The following IGSF23 variants were observed in gnomAD, a reference collection of about 807,000 sequenced individuals.
IGSF23 encodes the protein immunoglobulin superfamily, member 23.
IGSF23 carries 14 observed loss-of-function variants against 17.8 expected under a neutral mutation model. The observed-to-expected ratio is 0.79, with a 90% CI of 0.52 to 1.23. The LOEUF (loss-of-function observed/expected upper bound fraction) is 1.23, where lower values mean the gene tolerates loss of function less well. Among genes scored for constraint, IGSF23 ranks in the 50% most tolerant of loss-of-function variants. The probability of loss-of-function intolerance (pLI) is 0.00; values close to 1 mark genes in which losing one functional copy is unlikely to be tolerated. For synonymous variants in IGSF23, 85 were observed against 92.5 expected (o/e 0.92, Z 0.46); for missense variants, 214 against 241.7 (o/e 0.89, Z 0.76).
chr19:44,630,444 C>T (rs1248683401), intron 3 of IGSF23, among the ~76,000 whole-genome samples: 2 of 152,216 alleles, frequency 1.3e-5, no homozygotes. Flanking sequence ...GGACACACAG[C>T]GAATGAATGG....
intron 1 of IGSF23, among the ~76,000 whole-genome samples, chr19:44,620,341 TTGTGTGTGTG>T (rs373422531): frequency 0.014 from 1,944 of 139,384 alleles, 14 homozygotes; most frequent in African/African-American, 0.022. Flanking sequence ...ATGACTAATT[TTGTGTGTGTG>T]TGTGTGTGTG....
At chr19:44,633,709 C>G (rs2123729128) in intron 3 of IGSF23, among the ~76,000 whole-genome samples, 1 of 152,294 alleles carries the variant, frequency 6.6e-6, no homozygotes, top group Non-Finnish European at 1.5e-5. Flanking sequence ...CCTGTATCTG[C>G]CAAGCCTTTA....
At chr19:44,634,842 G>T (rs2123730305) in intron 3 of IGSF23, among the ~76,000 whole-genome samples, 1 of 151,608 alleles carries the variant, frequency 6.6e-6, no homozygotes, top group African/African-American at 2.4e-5. Flanking sequence ...CCAGGGATGT[G>T]ATTATACTTC....
chr19:44,628,734 A>C (rs928457614), intron 3 of IGSF23, among the ~76,000 whole-genome samples: 1 of 152,194 alleles, frequency 6.6e-6, no homozygotes, highest in Non-Finnish European at 1.5e-5. Context: ...CACTGGACAC[A>C]GAGTGAGACC....
At chr19:44,629,463 G>T (rs846863) in intron 3 of IGSF23, among the ~76,000 whole-genome samples, 23,574 of 151,736 alleles carry the variant, frequency 0.16, 2,040 homozygotes, top group East Asian at 0.37. Context: ...TTGGGAAGCT[G>T]AGGTGGGAGG....
chr19:44,633,073 GTACTAT>G (rs1972804311), intron 3 of IGSF23, among the ~76,000 whole-genome samples: 1 of 152,236 alleles, frequency 6.6e-6, no homozygotes, highest in South Asian at 2.1e-4. Flanking sequence ...ATAAGAAGCT[GTACTAT>G]TACTAGACCC....
intron 2 of IGSF23, among the ~76,000 whole-genome samples, chr19:44,626,321 G>A (rs537976406): frequency 1.3e-5 from 2 of 152,330 alleles, no homozygotes; most frequent in South Asian, 2.1e-4. Flanking sequence ...TAGTGACCCT[G>A]ATATTCAGTG....
intron 1 of IGSF23, among the ~76,000 whole-genome samples, chr19:44,623,304 T>C (rs1972560660): frequency 6.6e-6 from 1 of 152,218 alleles, no homozygotes; most frequent in African/African-American, 2.4e-5. Context: ...ATTGGGGAAC[T>C]CAGGCCCTGG....
intron 1 of IGSF23, among the ~76,000 whole-genome samples, chr19:44,621,674 G>A (rs1025411479): frequency 3.3e-5 from 5 of 152,098 alleles, no homozygotes; most frequent in Non-Finnish European, 7.4e-5. Context: ...TTGTTGTGAG[G>A]ATTAAATGAA....
In IGSF23 at chr19:44,613,721, C is replaced by G; in HGVS notation, c.76C>G (p.Pro26Ala). The G allele has an allele frequency of 6.4e-7, 1 of 1,550,592 alleles. No homozygotes were observed. The highest frequency in any genetic ancestry group is 8.7e-7 in the Non-Finnish European group (1 of 1,146,988). ...GTCCCCACCCACCACCACCACTGAC[C>G]CGATGCTAGAGAAGGATGCGGCTGG... is the stretch of plus-strand genomic sequence containing the variant. The part of the protein sequence containing the change: ...AWSPPTTTTD[P>A]MLEKDAAGGD... Residue 26 changes from proline (P) to alanine (A), a missense_variant, in exon 1 of 5, where the codon CCG becomes GCG. Transcript: ENST00000402988.
intron 1 of IGSF23, among the ~76,000 whole-genome samples, chr19:44,620,341 T>TGTGTGTGTG (rs1972487297): frequency 2.2e-5 from 3 of 139,308 alleles, no homozygotes; most frequent in East Asian, 2.2e-4. Context: ...ATGACTAATT[T>TGTGTGTGTG]TGTGTGTGTG....
chr19:44,636,153 G>C (rs1272288045), intron 4 of IGSF23, among the ~76,000 whole-genome samples: 1 of 152,144 alleles, frequency 6.6e-6, no homozygotes. Flanking sequence ...AGCTCAAAAT[G>C]GACATGCCAT....
At chr19:44,625,561 A>T (rs997144860) in intron 2 of IGSF23, among the ~76,000 whole-genome samples, 3 of 152,170 alleles carry the variant, frequency 2.0e-5, no homozygotes, top group African/African-American at 7.2e-5. Context: ...TAATGGAGGT[A>T]ATCCTATATA....
rs533829282 is a variant in IGSF23, at chr19:44,613,626, G to A, written c.-20G>A. On this transcript the variant is annotated 5_prime_UTR_variant, in exon 1 of 5. Transcript: ENST00000402988. Reference sequence around the variant, plus strand: ...TCTGCTTCTCCCTCCATCTCCCGGCGGGGATTGTACGGTGAGAGAATGAGA... The same window carrying A: ...TCTGCTTCTCCCTCCATCTCCCGGCAGGGATTGTACGGTGAGAGAATGAGA... 5.3e-5 allele frequency: 81 copies of A among 1,528,536 alleles called. No homozygotes were observed. In the East Asian group the frequency reaches 1.4e-3, roughly 27 times the overall value. The allele number at this position is 1,528,536 out of a possible 1,614,324, so 94.7% of individuals were successfully genotyped here.
At position 44,620,125 on chromosome 19, in the gene IGSF23, C is replaced by T. The variant is rs111588317; in HGVS notation, c.126-3582C>T. ...ATTTATTAAAAATACAAAAATTAGC[C>T]GGGCATAGTGGCAGGCGCCTGTAAT... is the stretch of plus-strand genomic sequence containing the variant. On this transcript the variant is annotated intron_variant, in intron 1 of 4. Coordinates refer to ENST00000402988, the MANE Select transcript of IGSF23 (RefSeq NM_001205280.2). Among the ~76,000 whole-genome samples, 1,401 of 151,976 alleles carry T rather than the reference C, an allele frequency of 9.2e-3. 18 individuals are homozygous for T. The highest frequency in any genetic ancestry group is 0.032 in the African/African-American group (1,330 of 41,474).
intron 3 of IGSF23, among the ~76,000 whole-genome samples, chr19:44,630,313 C>G (rs912025343): frequency 2.0e-5 from 3 of 152,232 alleles, no homozygotes; most frequent in Admixed American, 6.5e-5. Context: ...GCTCCGATGT[C>G]CTGGCCCCTC....
At chr19:44,618,778 C>G (rs1054547738) in intron 1 of IGSF23, among the ~76,000 whole-genome samples, 1 of 152,114 alleles carries the variant, frequency 6.6e-6, no homozygotes, top group African/African-American at 2.4e-5. Context: ...CTCCTTCAGG[C>G]CCAGGCTCAA....
At chr19:44,614,189 G>A (rs1026072735) in intron 1 of IGSF23, among the ~76,000 whole-genome samples, 3 of 152,130 alleles carry the variant, frequency 2.0e-5, no homozygotes, top group Non-Finnish European at 4.4e-5. Flanking sequence ...AGGAAGAAGG[G>A]AAGTGAGGCG....
chr19:44,621,420 G>C (rs1972518153), intron 1 of IGSF23, among the ~76,000 whole-genome samples: 1 of 152,074 alleles, frequency 6.6e-6, no homozygotes, highest in Non-Finnish European at 1.5e-5. Flanking sequence ...AGGACAAGGT[G>C]GGTGGATCAC....
Sources: gnomAD v4.1 joint callset for allele counts (sites outside exome capture counted in the v4.1 genomes callset) on GRCh38, gnomAD v4.1.1 for gene constraint, MANE v1.5 for transcripts, NCBI Gene and HGNC (gene_info 2026-07-23, HGNC 2026-07-21) for gene names.